Variants in DNASE1L3 observed in about 807,000 individuals in gnomAD.
The protein encoded by DNASE1L3 is deoxyribonuclease 1L3, also known as deoxyribonuclease gamma.
Under a neutral mutation model 30.9 loss-of-function variants are expected in DNASE1L3, and 27 were observed. The ratio of observed to expected loss-of-function variants is 0.87; its 90% CI spans 0.64 to 1.20. DNASE1L3 has a LOEUF of 1.20. Among genes scored for constraint, DNASE1L3 ranks in the 50% most tolerant of loss-of-function variants. DNASE1L3 has a pLI of 0.00. For synonymous variants in DNASE1L3, 135 were observed against 138.0 expected (o/e 0.98, Z 0.15); for missense variants, 364 against 378.2 (o/e 0.96, Z 0.31).
At chr3:58,202,317 G>GT (rs1171213238) in intron 4 of DNASE1L3, among the ~76,000 whole-genome samples, 668 of 48,850 alleles carry the variant, frequency 0.014, 10 homozygotes, top group African/African-American at 0.028. Context: ...GGCTAGCTTT[G>GT]TTTTTTTTTT....
chr3:58,206,739 C>T (rs1200270699), intron 2 of DNASE1L3, among the ~76,000 whole-genome samples: 2 of 152,140 alleles, frequency 1.3e-5, no homozygotes, highest in African/African-American at 4.8e-5. Flanking sequence ...CCCTCAGTCT[C>T]CCATAAACCT....
intron 2 of DNASE1L3, among the ~76,000 whole-genome samples, chr3:58,206,255 T>C (rs375274440): frequency 6.6e-6 from 1 of 152,144 alleles, no homozygotes; most frequent in African/African-American, 2.4e-5. Flanking sequence ...CTAACATAAT[T>C]TCACTCTATC....
Position 58,210,950 on chromosome 3 carries a change from T to A in DNASE1L3, c.-44A>T, listed in dbSNP as rs2097407420. 6.2e-7 allele frequency: 1 copy of A among 1,606,590 alleles called. No individual in the cohort carries two copies. The highest frequency in any genetic ancestry group is 8.5e-7 in the Non-Finnish European group (1 of 1,176,244). ...TCAAGACTCTGTGAGAAGACAGCAG[T>A]GCTTGGAGTGCTGGATTCTGGCCAC... is the stretch of plus-strand genomic sequence containing the variant. On this transcript the variant is annotated 5_prime_UTR_variant, in exon 1 of 8. Transcript: ENST00000394549.
chr3:58,206,288 A>G (rs1182190135), intron 2 of DNASE1L3, among the ~76,000 whole-genome samples: 1 of 152,200 alleles, frequency 6.6e-6, no homozygotes, highest in Non-Finnish European at 1.5e-5. Flanking sequence ...GATCTAGGGC[A>G]TGTCTAAAGC....
rs1446715613 is a variant in DNASE1L3, at chr3:58,204,864, A to G, written c.338T>C (p.Val113Ala). The change falls in exon 4 of 8, where the codon GTG becomes GCG. Residue 113 changes from valine to alanine, a missense_variant. Physicochemically the swap from Val to Ala is moderately conservative, Grantham distance 64 (BLOSUM62 0). Transcript: ENST00000394549. ...GTCATGGTAGTGATAACTCCTCTTC[A>G]CAGACACCAGCTTTTCCCTATAAGA... is the stretch of plus-strand genomic sequence containing the variant. Reference protein sequence around the residue: ...AFLYKEKLVSVKRSYHYHDYQ... With the variant: ...AFLYKEKLVSAKRSYHYHDYQ... The G allele has an allele frequency of 6.2e-7, 1 of 1,614,136 alleles. No homozygotes were observed. The highest frequency in any genetic ancestry group is 8.5e-7 in the Non-Finnish European group (1 of 1,180,002).
In DNASE1L3 at chr3:58,192,565, T is replaced by G. The variant is rs2097394878; in HGVS notation, c.*122A>C. Reference sequence around the variant, plus strand: ...CAATTTGGCTCAAGTCAGAATAAATTCAGGTCAAAAAATGAAAGCAGTTGG... The same window carrying G: ...CAATTTGGCTCAAGTCAGAATAAATGCAGGTCAAAAAATGAAAGCAGTTGG... On this transcript the variant is annotated 3_prime_UTR_variant, in exon 8 of 8. Coordinates refer to ENST00000394549, the MANE Select transcript of DNASE1L3 (RefSeq NM_004944.4). This position sits in a 1 kb window ranked among gnomAD's most constrained non-coding sequence, Gnocchi z 4.8. The G allele has an allele frequency of 9.2e-7, 1 of 1,092,072 alleles. No homozygotes were observed. The highest frequency in any genetic ancestry group is 2.5e-5 in the East Asian group (1 of 40,094). The allele number at this position is 1,092,072 out of a possible 1,614,324, so 67.6% of individuals were successfully genotyped here.
rs544305023 is a variant in DNASE1L3 at position 58,200,405 on chromosome 3, C to G, written c.546+592G>C. Among the ~76,000 whole-genome samples, 1 of 152,082 alleles carries G rather than the reference C, an allele frequency of 6.6e-6. No homozygotes were observed. The highest frequency in any genetic ancestry group is 2.4e-5 in the African/African-American group (1 of 41,392). The stretch of plus-strand genomic sequence containing the variant: ...CTGTCCTGCCATCCCAGGGATGGAA[C>G]CAACCTGAGAATGGAGCCACACAGA... On this transcript the variant is annotated intron_variant, in intron 5 of 7. Coordinates refer to ENST00000394549, the MANE Select transcript of DNASE1L3 (RefSeq NM_004944.4). This position sits in a 1 kb window ranked among gnomAD's most constrained non-coding sequence, Gnocchi z 4.2.
chr3:58,205,648 G>T, intron 2 of DNASE1L3, 88 bp from the exon 3 acceptor site: 1 of 1,109,562 alleles, frequency 9.0e-7, no homozygotes, highest in Non-Finnish European at 1.4e-6. Flanking sequence ...GCCTCCATAC[G>T]CCCAATGGCA....
intron 6 of DNASE1L3, among the ~76,000 whole-genome samples, chr3:58,195,604 C>A (rs1203373457): frequency 1.9e-5 from 1 of 52,708 alleles, no homozygotes; most frequent in Non-Finnish European, 3.3e-5. Context: ...CCCATCTCTA[C>A]TAAAATTACA....
intron 4 of DNASE1L3, among the ~76,000 whole-genome samples, chr3:58,203,659 G>C (rs1430563423): frequency 6.6e-6 from 1 of 152,102 alleles, no homozygotes. Flanking sequence ...AATTAGCTGA[G>C]TGTGGTGGTG....
chr3:58,210,670 G>A (rs1436119948), intron 1 of DNASE1L3, 96 bp downstream of exon 1: 14 of 1,575,004 alleles, frequency 8.9e-6, no homozygotes, highest in African/African-American at 1.3e-5. Context: ...TTCCCCCTAA[G>A]GGCCAACTTT....
Position 58,208,276 on chromosome 3 carries a change from T to A in DNASE1L3, c.172A>T (p.Met58Leu), listed in dbSNP as rs1262332046. Residue 58 changes from methionine (M) to leucine (L), a missense_variant, in exon 2 of 8, where the codon ATG (methionine) becomes TTG (leucine). Transcript: ENST00000394549. ...VIKRCDIILV[M>L]EIKDSNNRIC... ...CTGTTGTTGCTGTCCTTGATTTCCA[T>A]CACGAGTATGATGTCACAGCGTTTG... 4.9e-5 allele frequency: 79 copies of A among 1,614,108 alleles called. No homozygotes were observed. The highest frequency in any genetic ancestry group is 6.5e-5 in the Non-Finnish European group (77 of 1,180,036).
chr3:58,205,663 G>A (rs2097403436), intron 2 of DNASE1L3, 103 bp from the exon 3 acceptor site: 3 of 921,494 alleles, frequency 3.3e-6, no homozygotes, highest in Non-Finnish European at 3.5e-6. Context: ...ATGGCATCAT[G>A]TGGAAGGGCC....
chr3:58,194,046 C>A (rs781616093), intron 6 of DNASE1L3, among the ~76,000 whole-genome samples: 18 of 152,094 alleles, frequency 1.2e-4, no homozygotes, highest in Non-Finnish European at 2.4e-4. Flanking sequence ...AGAAATTAAG[C>A]GATTTAATGG....
intron 7 of DNASE1L3, 43 bp downstream of exon 7, chr3:58,193,300 C>G: frequency 1.1e-5 from 17 of 1,604,292 alleles, no homozygotes; most frequent in Non-Finnish European, 1.5e-5. Flanking sequence ...GCTAACTCAT[C>G]TTTCCAGGAC....
At chr3:58,208,335 G>T in intron 1 of DNASE1L3, 29 bp from the exon 2 acceptor site, 3 of 1,610,260 alleles carry the variant, frequency 1.9e-6, no homozygotes, top group Non-Finnish European at 2.6e-6. Context: ...CCAGGGGTTT[G>T]AGGTCATTTA....
intron 2 of DNASE1L3, among the ~76,000 whole-genome samples, chr3:58,206,249 C>T (rs1444366352): frequency 1.3e-5 from 2 of 152,180 alleles, no homozygotes; most frequent in Non-Finnish European, 2.9e-5. Context: ...CAGAGCCTAA[C>T]ATAATTTCAC....
At chr3:58,203,356 C>A (rs2097401987) in intron 4 of DNASE1L3, among the ~76,000 whole-genome samples, 1 of 152,236 alleles carries the variant, frequency 6.6e-6, no homozygotes, top group African/African-American at 2.4e-5. Context: ...AATGCCCTTT[C>A]TCCAGCCCTC....
Position 58,205,521 on chromosome 3 carries a change from G to A in DNASE1L3, c.270C>T (p.Ser90=). Residue 90 remains serine, a synonymous_variant, in exon 3 of 8, where the codon AGC becomes AGT. Transcript: ENST00000394549. ...TATATGTGTTTCTTCCAAGCCGAGA[G>A]CTAATCACATAGTTGTACGTTATGC... ...RRGITYNYVI[S]SRLGRNTYKE... is the part of the protein sequence containing the mutation. 1 of 1,614,082 alleles carries A rather than the reference G, an allele frequency of 6.2e-7. No homozygotes were observed. Among genetic ancestry groups the A allele is most frequent in the Non-Finnish European group, 8.5e-7 (1 of 1,179,904 alleles).
Sources: allele counts gnomAD v4.1 joint callset (sites outside exome capture counted in the v4.1 genomes callset), GRCh38; gene constraint gnomAD v4.1.1; non-coding constraint Gnocchi (gnomAD v3.1); transcripts MANE v1.5; gene names NCBI Gene and HGNC (gene_info 2026-07-23, HGNC 2026-07-21).